ZBTB20: variants seen among roughly 807,000 people sequenced by gnomAD.
ZBTB20 encodes the protein zinc finger and BTB domain containing 20.
Under a neutral mutation model 56.9 loss-of-function variants are expected in ZBTB20, and 9 were observed. The observed-to-expected ratio is 0.16, with a 90% CI of 0.10 to 0.28. The LOEUF is 0.28. ZBTB20 is among the 10% of genes least tolerant of loss of function. The pLI is 1.00. For synonymous variants in ZBTB20, 417 were observed against 420.7 expected (o/e 0.99, Z 0.11); for missense variants, 655 against 1,003.0 (o/e 0.65, Z 4.69).
chr3:114,654,898 C>T (rs987579292), intron 6 of ZBTB20, among the ~76,000 whole-genome samples: 2 of 152,124 alleles, frequency 1.3e-5, no homozygotes, highest in Non-Finnish European at 2.9e-5. Flanking sequence ...AATATCCCTC[C>T]TTATCTCTAA....
chr3:114,384,076 C>G (rs2084734373), intron 8 of ZBTB20, among the ~76,000 whole-genome samples: 1 of 151,626 alleles, frequency 6.6e-6, no homozygotes, highest in African/African-American at 2.4e-5. Flanking sequence ...TCTGGCCTCT[C>G]AGTCTCTTTC....
At chr3:114,900,732 A>G (rs2075084726) in intron 3 of ZBTB20, 1 of 151,892 alleles carries the variant, frequency 6.6e-6, no homozygotes, top group African/African-American at 2.4e-5. Context: ...AAATGAAACT[A>G]CTCAGATTCA....
At chr3:114,518,882 C>T (rs996784708) in intron 6 of ZBTB20, 1 of 152,128 alleles carries the variant, frequency 6.6e-6, no homozygotes, top group Admixed American at 6.5e-5. Flanking sequence ...GGGTAGATGC[C>T]AGGGACGCTG....
Position 114,338,896 on chromosome 3 carries a change from G to C in ZBTB20, c.*109C>G, listed in dbSNP as rs1002749476. The C allele has an allele frequency of 7.5e-7, 1 of 1,325,018 alleles. No homozygotes were observed. The highest frequency in any genetic ancestry group is 1.0e-6 in the Non-Finnish European group (1 of 990,230). The allele number at this position is 1,325,018 out of a possible 1,614,324, so 82.1% of individuals were successfully genotyped here. On this transcript the variant is annotated 3_prime_UTR_variant, in exon 12 of 12. Transcript: ENST00000675478. ...AACGAAACAAAAACAAAAACAGAAA[G>C]TAAAAATGAAACCAAAACATTTCTT...
chr3:114,944,501 G>A (rs918361906), intron 3 of ZBTB20, among the ~76,000 whole-genome samples: 4 of 145,410 alleles, frequency 2.8e-5, no homozygotes, highest in South Asian at 2.1e-4. Context: ...AGGAACTGAC[G>A]TTAGTATGTT....
chr3:114,390,966 C>G (rs1431225670), intron 7 of ZBTB20, among the ~76,000 whole-genome samples: 3 of 149,140 alleles, frequency 2.0e-5, no homozygotes, highest in Middle Eastern at 3.4e-3. Context: ...GGGCCTACAG[C>G]TGGGGAGTCA....
At chr3:114,932,890 A>T (rs1425178024) in intron 3 of ZBTB20, among the ~76,000 whole-genome samples, 1 of 152,154 alleles carries the variant, frequency 6.6e-6, no homozygotes, top group African/African-American at 2.4e-5. Flanking sequence ...TGAACAATAG[A>T]TTGCAGCAGA....
chr3:114,961,805 T>C (rs1190615018), intron 3 of ZBTB20, among the ~76,000 whole-genome samples: 1 of 152,130 alleles, frequency 6.6e-6, no homozygotes, highest in Non-Finnish European at 1.5e-5. Context: ...AAAGGTAATA[T>C]AGAGCAGAAG....
rs1578084162 is a variant in ZBTB20 at position 114,634,703 on chromosome 3, G to A, written c.-295+58825C>T. Among the ~76,000 whole-genome samples the A allele has an allele frequency of 3.9e-5, 6 of 152,158 alleles. No individual in the cohort carries two copies. In the South Asian group the frequency reaches 1.2e-3, roughly 32 times the overall value. On this transcript the variant is annotated intron_variant, in intron 6 of 11. Transcript: ENST00000675478. ...GGGTAAAAAGTGCAATTTCATGTTA[G>A]AATGTCATATCAGTACTTCCCCCAG... is the stretch of plus-strand genomic sequence containing the variant.
intron 11 of ZBTB20, among the ~76,000 whole-genome samples, chr3:114,341,811 T>C (rs2079793341): frequency 6.6e-6 from 1 of 152,216 alleles, no homozygotes; most frequent in African/African-American, 2.4e-5. Flanking sequence ...ACATGGTCCT[T>C]TGTGGATTTA....
intron 6 of ZBTB20, among the ~76,000 whole-genome samples, chr3:114,571,396 G>T (rs1577654639): frequency 6.6e-6 from 1 of 152,146 alleles, no homozygotes; most frequent in East Asian, 1.9e-4. Flanking sequence ...CCCACTTTTG[G>T]ACTAACGCAG....
At chr3:115,045,657 A>G (rs2081308122) in intron 2 of ZBTB20, among the ~76,000 whole-genome samples, 2 of 152,158 alleles carry the variant, frequency 1.3e-5, no homozygotes, top group African/African-American at 4.8e-5. Context: ...GAAGACTTTT[A>G]TAATAGGAAA....
intron 4 of ZBTB20, among the ~76,000 whole-genome samples, chr3:114,817,089 A>G (rs2072966503): frequency 6.6e-6 from 1 of 152,140 alleles, no homozygotes; most frequent in South Asian, 2.1e-4. Flanking sequence ...GGAATCTTGT[A>G]AGAACTGACA....
chr3:115,099,337 C>G (rs1320746507), intron 1 of ZBTB20, among the ~76,000 whole-genome samples: 1 of 152,068 alleles, frequency 6.6e-6, no homozygotes, highest in Non-Finnish European at 1.5e-5. Flanking sequence ...TCCACCCTCC[C>G]CAAGCATAAA....
intron 1 of ZBTB20, among the ~76,000 whole-genome samples, chr3:115,093,745 TAAAGGGCA>T (rs1284882501): frequency 2.0e-5 from 3 of 152,074 alleles, no homozygotes; most frequent in African/African-American, 7.2e-5. Flanking sequence ...ACCCAAGAAT[TAAAGGGCA>T]AAAGGTATGA....
rs964870242 is a variant in ZBTB20, at chr3:115,092,169, A to T, written c.-702-20755T>A. On this transcript the variant is annotated intron_variant, in intron 1 of 11. Transcript: ENST00000675478. ...TGGGTAATAAGAAATTTCAAAGACTAAAACATATTATAGAATTTTGGTACA... is the reference window on the plus strand; with the variant it reads ...TGGGTAATAAGAAATTTCAAAGACTTAAACATATTATAGAATTTTGGTACA... Among the ~76,000 whole-genome samples, 56 of 152,160 alleles carry T rather than the reference A, an allele frequency of 3.7e-4. 1 individual carries two copies. The highest frequency in any genetic ancestry group is 1.4e-3 in the African/African-American group (56 of 41,430).
At chr3:114,539,360 C>A (rs2048845349) in intron 6 of ZBTB20, among the ~76,000 whole-genome samples, 1 of 152,042 alleles carries the variant, frequency 6.6e-6, no homozygotes, top group Non-Finnish European at 1.5e-5. Context: ...TATGTTGATT[C>A]TCCACTATTT....
intron 4 of ZBTB20, among the ~76,000 whole-genome samples, chr3:114,879,441 T>G (rs955368940): frequency 6.6e-6 from 1 of 152,104 alleles, no homozygotes; most frequent in Admixed American, 6.5e-5. Context: ...CAGTAGTGAC[T>G]AAAATCTAGT....
At chr3:114,506,085 T>G (rs952143281) in intron 6 of ZBTB20, among the ~76,000 whole-genome samples, 4 of 152,074 alleles carry the variant, frequency 2.6e-5, no homozygotes, top group African/African-American at 9.7e-5. Context: ...TTTCATTCCT[T>G]TTGGTCAGGA....
Sources: gnomAD v4.1 joint callset for allele counts (sites outside exome capture counted in the v4.1 genomes callset) on GRCh38, gnomAD v4.1.1 for gene constraint, MANE v1.5 for transcripts, NCBI Gene and HGNC (gene_info 2026-07-23, HGNC 2026-07-21) for gene names.